Variants in NCOA1 observed in about 807,000 individuals in gnomAD.
NCOA1 encodes Hin-2 protein.
NCOA1 carries 35 observed loss-of-function variants against 150.9 expected under a neutral mutation model. The ratio of observed to expected loss-of-function variants is 0.23; its 90% CI spans 0.18 to 0.31. The LOEUF is 0.31. Among genes scored for constraint, NCOA1 ranks in the 10% least tolerant of loss-of-function variants. The pLI is 1.00. For missense variants in NCOA1, 1,491 were observed against 1,749.3 expected, an observed-to-expected ratio of 0.85 and a Z score of 2.63; for synonymous variants, 590 against 630.0, an observed-to-expected ratio of 0.94 and a Z score of 0.95.
At chr2:24,576,145 C>CT (rs1666945159) in intron 2 of NCOA1, among the ~76,000 whole-genome samples, 13 of 101,030 alleles carry the variant, frequency 1.3e-4, no homozygotes, top group Non-Finnish European at 2.1e-4. Context: ...ATTATTTGGC[C>CT]TTTGTTTTTT....
intron 8 of NCOA1, among the ~76,000 whole-genome samples, chr2:24,684,619 A>T (rs1011308701): frequency 6.6e-6 from 1 of 152,238 alleles, no homozygotes; most frequent in Non-Finnish European, 1.5e-5. Context: ...AGCCTTTCAC[A>T]ATAGGGAGGA....
chr2:24,550,720 G>C (rs76602174), intron 1 of NCOA1, among the ~76,000 whole-genome samples: 8,150 of 152,272 alleles, frequency 0.054, 302 homozygotes, highest in East Asian at 0.2. Flanking sequence ...AACAAGGGAA[G>C]GGAGCTGGAT....
intron 14 of NCOA1, 85 bp downstream of exon 14, chr2:24,711,196 C>A: frequency 4.6e-6 from 6 of 1,317,340 alleles, no homozygotes; most frequent in South Asian, 1.7e-5. Context: ...TTACACAGAT[C>A]CTTTGCTTAA....
chr2:24,589,663 G>GTGTT (rs904681277), intron 3 of NCOA1, among the ~76,000 whole-genome samples: 4 of 148,230 alleles, frequency 2.7e-5, no homozygotes, highest in Non-Finnish European at 5.9e-5. Context: ...GTGTGTGTGT[G>GTGTT]TATGAAAGTG....
At position 24,576,149 on chromosome 2, in the gene NCOA1, G is replaced by GTTTTTTTTTGTTTTTTTTTTTTTTTTT. The variant is rs1666947727; in HGVS notation, c.-259-8318_-259-8317insGTTTTTTTTTTTTTTTTTTTTTTTTTT. 8.5e-5 allele frequency among the ~76,000 whole-genome samples: 8 copies of GTTTTTTTTTGTTTTTTTTTTTTTTTTT among 94,024 alleles called. 1 individual carries two copies. The highest frequency in any genetic ancestry group is 2.8e-4 in the East Asian group (1 of 3,544). The allele number at this position is 94,024 out of a possible 152,430, so 61.7% of individuals were successfully genotyped here. ...GAGTTTCAGAAATTATTTGGCCTTT[G>GTTTTTTTTTGTTTTTTTTTTTTTTTTT]TTTTTTTTTTTTTGTTTTTTGTTTT... is the stretch of plus-strand genomic sequence containing the variant. On this transcript the variant is annotated intron_variant, in intron 2 of 22. Transcript: ENST00000348332.
intron 17 of NCOA1, among the ~76,000 whole-genome samples, chr2:24,733,321 T>C (rs1558324036): frequency 1.3e-5 from 2 of 152,280 alleles, no homozygotes; most frequent in Non-Finnish European, 2.9e-5. Context: ...ACTAAGTTCA[T>C]GTCAGTGTAG....
chr2:24,734,646 A>C (rs1431950335), intron 17 of NCOA1, among the ~76,000 whole-genome samples: 1 of 152,208 alleles, frequency 6.6e-6, no homozygotes, highest in South Asian at 2.1e-4. Context: ...AATAAAAAAA[A>C]CCAAAAAACA....
intron 17 of NCOA1, 30 bp downstream of exon 17, chr2:24,729,845 T>A: frequency 3.1e-6 from 3 of 967,110 alleles, no homozygotes. Flanking sequence ...AGTTGATACT[T>A]TTTTTTTTTT....
intron 2 of NCOA1, among the ~76,000 whole-genome samples, chr2:24,569,552 A>ATTTTTTTTTTTTTTTTTTT (rs200639064): frequency 2.1e-5 from 2 of 93,794 alleles, no homozygotes; most frequent in African/African-American, 4.0e-5. Flanking sequence ...GGTTTTATTA[A>ATTTTTTTTTTTTTTTTTTT]TTTTTTTTTT....
intron 7 of NCOA1, among the ~76,000 whole-genome samples, chr2:24,678,038 A>C (rs1231330107): frequency 6.6e-6 from 1 of 151,676 alleles, no homozygotes; most frequent in Non-Finnish European, 1.5e-5. Flanking sequence ...CCCTCCTGCC[A>C]CCCCTGCCCC....
intron 7 of NCOA1, among the ~76,000 whole-genome samples, chr2:24,675,737 T>C (rs1161159115): frequency 6.6e-6 from 1 of 151,960 alleles, no homozygotes; most frequent in Non-Finnish European, 1.5e-5. Context: ...ATATAAAAAT[T>C]AGCCAGGCAT....
intron 1 of NCOA1, among the ~76,000 whole-genome samples, chr2:24,508,173 A>G (rs998962689): frequency 6.6e-6 from 1 of 152,198 alleles, no homozygotes; most frequent in Non-Finnish European, 1.5e-5. Context: ...CTTTAATTAA[A>G]AAGAAAATTG....
intron 1 of NCOA1, among the ~76,000 whole-genome samples, chr2:24,544,716 G>A (rs567782275): frequency 7.2e-5 from 11 of 152,242 alleles, no homozygotes; most frequent in African/African-American, 2.4e-4. Context: ...TCCTCCCTGG[G>A]TGACAGAATG....
At chr2:24,654,878 T>G (rs1282170502) in intron 4 of NCOA1, among the ~76,000 whole-genome samples, 5 of 152,162 alleles carry the variant, frequency 3.3e-5, no homozygotes, top group African/African-American at 1.2e-4. Flanking sequence ...ATCATTCTCT[T>G]GGCTGTCTCT....
At chr2:24,635,118 T>G (rs1371992060) in intron 3 of NCOA1, among the ~76,000 whole-genome samples, 1 of 152,164 alleles carries the variant, frequency 6.6e-6, no homozygotes, top group Non-Finnish European at 1.5e-5. Context: ...AGAATAAGCT[T>G]ACTGATTCCA....
At chr2:24,719,112 T>G (rs903981927) in intron 14 of NCOA1, among the ~76,000 whole-genome samples, 2 of 131,870 alleles carry the variant, frequency 1.5e-5, no homozygotes, top group Admixed American at 7.7e-5. Context: ...ATTCATAAAA[T>G]GAAACACTGC....
At chr2:24,533,765 A>G (rs1664999058) in intron 1 of NCOA1, among the ~76,000 whole-genome samples, 1 of 152,202 alleles carries the variant, frequency 6.6e-6, no homozygotes, top group African/African-American at 2.4e-5. Flanking sequence ...GCGTATGTTG[A>G]ACGAGCCTTG....
At chr2:24,698,001 A>T (rs1035161828) in intron 11 of NCOA1, among the ~76,000 whole-genome samples, 1 of 152,106 alleles carries the variant, frequency 6.6e-6, no homozygotes, top group African/African-American at 2.4e-5. Flanking sequence ...GAAGAATAGG[A>T]TGTTGTGTGG....
intron 13 of NCOA1, among the ~76,000 whole-genome samples, chr2:24,709,490 G>A (rs1187302223): frequency 2.0e-5 from 3 of 152,068 alleles, no homozygotes; most frequent in Admixed American, 6.5e-5. Flanking sequence ...GTCTAGTCTC[G>A]TGACCATTTT....
Sources: allele counts gnomAD v4.1 joint callset (sites outside exome capture counted in the v4.1 genomes callset), GRCh38; gene constraint gnomAD v4.1.1; transcripts MANE v1.5; gene names NCBI Gene and HGNC (gene_info 2026-07-23, HGNC 2026-07-21).